AP2A2: variants seen among roughly 807,000 people sequenced by gnomAD.
AP2A2 encodes the protein adaptor related protein complex 2 subunit alpha 2.
AP2A2 carries 32 observed loss-of-function variants against 104.2 expected under a neutral mutation model. The ratio of observed to expected loss-of-function variants is 0.31; its 90% CI spans 0.23 to 0.41. The LOEUF is 0.41. Among genes scored for constraint, AP2A2 ranks in the 10% least tolerant of loss-of-function variants. The pLI is 1.00. For synonymous variants in AP2A2, 539 were observed against 533.3 expected, an observed-to-expected ratio of 1.01 and a Z score of -0.15; for missense variants, 912 against 1,261.0, an observed-to-expected ratio of 0.72 and a Z score of 4.19.
At chr11:955,050 T>C (rs1564791356) in intron 1 of AP2A2, among the ~76,000 whole-genome samples, 1 of 152,164 alleles carries the variant, frequency 6.6e-6, no homozygotes, top group Admixed American at 6.5e-5. Context: ...CAACATAAGT[T>C]CCCCCTCAGA....
intron 1 of AP2A2, among the ~76,000 whole-genome samples, chr11:953,632 C>T (rs1375079289): frequency 6.7e-6 from 1 of 148,876 alleles, no homozygotes; most frequent in South Asian, 2.1e-4. Flanking sequence ...CGTCTGCCTC[C>T]GTCTGCCTCC....
At chr11:931,427 G>C (rs759678359) in intron 1 of AP2A2, among the ~76,000 whole-genome samples, 6 of 152,224 alleles carry the variant, frequency 3.9e-5, no homozygotes, top group African/African-American at 1.4e-4. Context: ...ACACAGCACT[G>C]CTGAAAATGT....
At chr11:933,377 T>A (rs1853351516) in intron 1 of AP2A2, among the ~76,000 whole-genome samples, 1 of 152,242 alleles carries the variant, frequency 6.6e-6, no homozygotes, top group Admixed American at 6.5e-5. Context: ...GCATGTTCCT[T>A]CTTCAGAACC....
chr11:970,710 G>A (rs1202264294), intron 3 of AP2A2, among the ~76,000 whole-genome samples: 4 of 152,240 alleles, frequency 2.6e-5, no homozygotes, highest in African/African-American at 9.6e-5. Flanking sequence ...CCATGAGGTC[G>A]GCCTCCAGAG....
At chr11:974,390 A>C (rs1042701456) in intron 4 of AP2A2, among the ~76,000 whole-genome samples, 2 of 152,232 alleles carry the variant, frequency 1.3e-5, no homozygotes, top group African/African-American at 4.8e-5. Context: ...GATGACTCAA[A>C]GTAATATGCT....
intron 5 of AP2A2, among the ~76,000 whole-genome samples, chr11:979,850 GC>G (rs1417110911): frequency 6.6e-6 from 1 of 152,200 alleles, no homozygotes; most frequent in Admixed American, 6.5e-5. Context: ...TACAGCATAA[GC>G]CACCGTGCCC....
In AP2A2 at chr11:992,441, A is replaced by G; in HGVS notation, c.1270-62A>G. The G allele has an allele frequency of 6.6e-7, 1 of 1,513,066 alleles. No homozygotes were observed. Among genetic ancestry groups the G allele is most frequent in the South Asian group, 1.2e-5 (1 of 83,410 alleles). 93.7% of individuals were successfully genotyped at this position (1,513,066 alleles called of 1,614,324 possible). A position where few individuals can be genotyped will look rare whatever the true frequency, so the allele number is the denominator to read the frequency against. ...AACTCTCACTTTGACTTTGGACGACAGTTTGGTCTTGGGATTGCCATGGCC... is the reference window on the plus strand; with the variant it reads ...AACTCTCACTTTGACTTTGGACGACGGTTTGGTCTTGGGATTGCCATGGCC... On this transcript the variant is annotated intron_variant, in intron 10 of 21. Transcript: ENST00000448903. The surrounding 1 kb of genome is among the most constrained non-coding windows in gnomAD (Gnocchi z 6.4).
chr11:996,960 G>A (rs1318332324), intron 14 of AP2A2, among the ~76,000 whole-genome samples: 2 of 152,092 alleles, frequency 1.3e-5, no homozygotes, highest in Non-Finnish European at 1.5e-5. Flanking sequence ...GCTATGGTGT[G>A]TGGGTGTCAT....
At position 972,125 on chromosome 11, in the gene AP2A2, G is replaced by A. The variant is rs1854852329; in HGVS notation, c.343G>A (p.Ala115Thr). 1.9e-6 allele frequency: 3 copies of A among 1,613,630 alleles called. No homozygotes were observed. The highest frequency in any genetic ancestry group is 1.3e-5 in the African/African-American group (1 of 75,056). ...NSELIRLINN[A>T]IKNDLASRNP... ...TGAGCTGATCCGCCTGATCAACAAC[G>A]CCATCAAGAATGACCTGGCCAGCCG... is the stretch of plus-strand genomic sequence containing the variant. Residue 115 changes from alanine to threonine, a missense_variant, in exon 4 of 22, where the codon GCC (alanine) becomes ACC (threonine). This residue lies in a region of AP2A2 where 350 missense variants were observed against 487.0 expected (regional missense o/e 0.72). Coordinates refer to ENST00000448903, the MANE Select transcript of AP2A2 (RefSeq NM_012305.4).
At chr11:928,151 G>C (rs1209713705) in intron 1 of AP2A2, among the ~76,000 whole-genome samples, 1 of 152,156 alleles carries the variant, frequency 6.6e-6, no homozygotes, top group East Asian at 1.9e-4. Flanking sequence ...CAGTGAGTGC[G>C]GTATAGCCGT....
Position 974,340 on chromosome 11 carries a change from T to A in AP2A2, c.473+2085T>A, listed in dbSNP as rs542029673. On this transcript the variant is annotated intron_variant, in intron 4 of 21. Coordinates refer to ENST00000448903, the MANE Select transcript of AP2A2 (RefSeq NM_012305.4). ...TAACATGGTACCCATGGGCCTTCCT[T>A]GAAGAAAAGGGCTAGTTGTTGAAAT... Among the ~76,000 whole-genome samples, 26 of 152,256 alleles carry A rather than the reference T, an allele frequency of 1.7e-4. No individual in the cohort carries two copies. In the South Asian group the frequency reaches 5.4e-3, roughly 32 times the overall value.
chr11:929,875 A>G (rs1853233754), intron 1 of AP2A2, among the ~76,000 whole-genome samples: 3 of 152,146 alleles, frequency 2.0e-5, no homozygotes, highest in South Asian at 2.1e-4. Flanking sequence ...TAATCCCAGC[A>G]CTTTGGGAGG....
chr11:927,218 T>C (rs902835620), intron 1 of AP2A2, among the ~76,000 whole-genome samples: 4 of 149,418 alleles, frequency 2.7e-5, no homozygotes, highest in East Asian at 3.9e-4. Context: ...ACCACCACCA[T>C]GCCTGGCTGA....
At chr11:963,144 T>C (rs1854496171) in intron 2 of AP2A2, among the ~76,000 whole-genome samples, 1 of 151,940 alleles carries the variant, frequency 6.6e-6, no homozygotes, top group Non-Finnish European at 1.5e-5. Context: ...AAAAAAAAAC[T>C]GGCTGGCACG....
intron 2 of AP2A2, among the ~76,000 whole-genome samples, chr11:960,743 C>G (rs919776567): frequency 1.3e-5 from 2 of 151,660 alleles, no homozygotes; most frequent in African/African-American, 4.8e-5. Context: ...GTCTTGAGCT[C>G]CCGACCTCAA....
At chr11:1,009,020 C>A in intron 18 of AP2A2, 80 bp from the exon 19 acceptor site, 1 of 1,205,904 alleles carries the variant, frequency 8.3e-7, no homozygotes, top group Admixed American at 2.0e-5. Context: ...GGACGCTTCT[C>A]ACTCCAGGCT....
chr11:997,345 G>A (rs1356310164), intron 14 of AP2A2, among the ~76,000 whole-genome samples: 2 of 152,146 alleles, frequency 1.3e-5, no homozygotes, highest in Non-Finnish European at 2.9e-5. Context: ...GGAGCCTGGG[G>A]CCCTTGTAGG....
chr11:975,017 G>A (rs1159667111), intron 4 of AP2A2, among the ~76,000 whole-genome samples: 3 of 152,202 alleles, frequency 2.0e-5, no homozygotes, highest in Non-Finnish European at 4.4e-5. Context: ...CGGGAAGGAG[G>A]TGCTGTCATT....
intron 14 of AP2A2, 61 bp downstream of exon 14, chr11:994,306 CCAGCAG>C: frequency 1.3e-6 from 2 of 1,583,152 alleles, no homozygotes; most frequent in East Asian, 2.2e-5. Flanking sequence ...AGACTTGGGA[CCAGCAG>C]AGCATTTGCC....
Sources: allele counts gnomAD v4.1 joint callset (sites outside exome capture counted in the v4.1 genomes callset), GRCh38; gene constraint gnomAD v4.1.1; regional missense constraint gnomAD v4.1.1; non-coding constraint Gnocchi (gnomAD v3.1); transcripts MANE v1.5; gene names NCBI Gene and HGNC (gene_info 2026-07-23, HGNC 2026-07-21).